Variants in KDM1B observed in about 807,000 individuals in gnomAD.
The protein encoded by KDM1B is lysine demethylase 1B, also known as lysine-specific histone demethylase 2.
In KDM1B, 63 loss-of-function variants were observed where a neutral mutation model predicts 107.4. The ratio of observed to expected loss-of-function variants is 0.59; its 90% confidence interval spans 0.48 to 0.72. The LOEUF (loss-of-function observed/expected upper bound fraction) is 0.72, where lower values mean the gene tolerates loss of function less well. KDM1B is among the 30% of genes least tolerant of loss of function. KDM1B has a pLI of 0.00. For missense variants in KDM1B, 749 were observed against 1,020.8 expected, an observed-to-expected ratio of 0.73 and a Z score of 3.63; for synonymous variants, 363 against 363.9, an observed-to-expected ratio of 1.00 and a Z score of 0.03.
chr6:18,160,124 C>A, intron 3 of KDM1B, 142 bp downstream of exon 3: 1 of 600,512 alleles, frequency 1.7e-6, no homozygotes, highest in Non-Finnish European at 2.9e-6. Flanking sequence ...ACGGTCATAA[C>A]ACAGTGTGAT....
rs1745123785 is a variant in KDM1B, at chr6:18,191,938, G to A, written c.969+557G>A. Reference sequence around the variant, plus strand: ...TGAAAAAGGTGAAAATAAATTATGGGGCAGAATGGGAATACTAGCTAAAAA... The same window carrying A: ...TGAAAAAGGTGAAAATAAATTATGGAGCAGAATGGGAATACTAGCTAAAAA... On this transcript the variant is annotated intron_variant, in intron 10 of 21. Coordinates refer to ENST00000650836, the MANE Select transcript of KDM1B (RefSeq NM_001364614.2). The surrounding 1 kb of genome is among the most constrained non-coding windows in gnomAD (Gnocchi z 5.1). Among the ~76,000 whole-genome samples, 1 of 151,894 alleles carries A rather than the reference G, an allele frequency of 6.6e-6. No individual in the cohort carries two copies.
intron 6 of KDM1B, among the ~76,000 whole-genome samples, chr6:18,168,017 C>T (rs1261835605): frequency 6.6e-6 from 1 of 152,180 alleles, no homozygotes; most frequent in Non-Finnish European, 1.5e-5. Flanking sequence ...ACTTCAGCCT[C>T]TCAAAGTGTT....
At position 18,203,704 on chromosome 6, in the gene KDM1B, T is replaced by C. The variant is rs367584014; in HGVS notation, c.1532-1833T>C. 1.3e-5 allele frequency among the ~76,000 whole-genome samples: 2 copies of C among 151,922 alleles called. No individual in the cohort carries two copies. Among genetic ancestry groups the C allele is most frequent in the Admixed American group, 6.6e-5 (1 of 15,252 alleles). On this transcript the variant is annotated intron_variant, in intron 14 of 21. Transcript: ENST00000650836. The surrounding 1 kb of genome is among the most constrained non-coding windows in gnomAD (Gnocchi z 5.5). Reference sequence around the variant, plus strand: ...CCTGTCTCTACTAATAATACAAAAATTAGTCGAGCATGGTGGTGCATGCCT... The same window carrying C: ...CCTGTCTCTACTAATAATACAAAAACTAGTCGAGCATGGTGGTGCATGCCT...
At position 18,171,406 on chromosome 6, in the gene KDM1B, C is replaced by T. The variant is rs1242566263; in HGVS notation, c.461C>T (p.Thr154Ile). The change falls in exon 7 of 22, where the codon ACC becomes ATC. Residue 154 changes from threonine to isoleucine, a missense_variant. Physicochemically the swap from Thr to Ile is moderately conservative, Grantham distance 89. Coordinates refer to ENST00000650836, the MANE Select transcript of KDM1B (RefSeq NM_001364614.2). ...KPECRKWRQL[T>I]KEIQLTPQIA... is the part of the protein sequence containing the mutation. ...GAGTGTAGAAAATGGAGGCAGCTTACCAAGGAAATCCAGCTTACTCCACAG... is the reference window on the plus strand; with the variant it reads ...GAGTGTAGAAAATGGAGGCAGCTTATCAAGGAAATCCAGCTTACTCCACAG... 1 of 1,613,188 alleles carries T rather than the reference C, an allele frequency of 6.2e-7. No individual in the cohort carries two copies. Among genetic ancestry groups the T allele is most frequent in the African/African-American group, 1.3e-5 (1 of 74,876 alleles).
intron 21 of KDM1B, 73 bp downstream of exon 21, chr6:18,217,958 A>G (rs1789376982): frequency 6.6e-7 from 1 of 1,507,252 alleles, no homozygotes; most frequent in African/African-American, 1.4e-5. Flanking sequence ...ATATCTGCCC[A>G]GAGTTTAAAA....
At chr6:18,165,425 C>T (rs866730067) in intron 5 of KDM1B, among the ~76,000 whole-genome samples, 1 of 152,104 alleles carries the variant, frequency 6.6e-6, no homozygotes, top group African/African-American at 2.4e-5. Context: ...CCACCGTACC[C>T]CGCCGCCTTC....
In KDM1B at chr6:18,212,749, A is replaced by T; in HGVS notation, c.1983+145A>T. The T allele has an allele frequency of 1.5e-6, 1 of 663,684 alleles. No individual in the cohort carries two copies. The highest frequency in any genetic ancestry group is 1.8e-5 in the South Asian group (1 of 55,882). The allele number at this position is 663,684 out of a possible 1,614,324, so 41.1% of individuals were successfully genotyped here. On this transcript the variant is annotated intron_variant, in intron 18 of 21. Transcript: ENST00000650836. The surrounding 1 kb of genome is among the most constrained non-coding windows in gnomAD (Gnocchi z 5.2). ...TTTTCATTTGAGTAATTGTTCGTGA[A>T]GAACACAGAAGAATATTATCAAAAC...
chr6:18,205,700 A>G lies in KDM1B; in HGVS notation c.1659+36A>G, dbSNP rs1788315827. 6.8e-7 allele frequency: 1 copy of G among 1,469,186 alleles called. No homozygotes were observed. The highest frequency in any genetic ancestry group is 9.0e-7 in the Non-Finnish European group (1 of 1,111,804). The allele number at this position is 1,469,186 out of a possible 1,614,324, so 91.0% of individuals were successfully genotyped here. A position where few individuals can be genotyped will look rare whatever the true frequency, so the allele number is the denominator to read the frequency against. On this transcript the variant is annotated intron_variant, in intron 15 of 21. Coordinates refer to ENST00000650836, the MANE Select transcript of KDM1B (RefSeq NM_001364614.2). The surrounding 1 kb of genome is among the most constrained non-coding windows in gnomAD (Gnocchi z 5.7). ...GTTTTGTGAAAGGTGTGCTTTGAAAATACTTGGTTTAGGCCGGGCGCAGTG... is the reference window on the plus strand; with the variant it reads ...GTTTTGTGAAAGGTGTGCTTTGAAAGTACTTGGTTTAGGCCGGGCGCAGTG...
intron 7 of KDM1B, among the ~76,000 whole-genome samples, chr6:18,176,271 A>G (rs1203678916): frequency 1.3e-5 from 2 of 152,132 alleles, no homozygotes; most frequent in African/African-American, 2.4e-5. Flanking sequence ...CTGTTGGTGT[A>G]TAGAAGAGCT....
At chr6:18,195,318 T>G (rs1384581679) in intron 10 of KDM1B, among the ~76,000 whole-genome samples, 1 of 152,248 alleles carries the variant, frequency 6.6e-6, no homozygotes, top group Non-Finnish European at 1.5e-5. Context: ...ATATGGTATT[T>G]TAGGTTTAAC....
chr6:18,166,437 TG>T, intron 6 of KDM1B, 59 bp downstream of exon 6: 2 of 918,982 alleles, frequency 2.2e-6, no homozygotes, highest in Non-Finnish European at 3.6e-6. Flanking sequence ...GCAAGAGGCA[TG>T]GATGAAAATG....
At chr6:18,188,516 T>C (rs917772213) in intron 9 of KDM1B, among the ~76,000 whole-genome samples, 4 of 152,226 alleles carry the variant, frequency 2.6e-5, no homozygotes, top group South Asian at 2.1e-4. Flanking sequence ...TTCTGAGTCT[T>C]TCTGCCTCTA....
In KDM1B at chr6:18,204,560, A is replaced by G. The variant is rs1243147295; in HGVS notation, c.1532-977A>G. ...TTTGGATGGTTGTCATCACTGGAACAGTTGTAAAGAAGTAACCTGTACTGA... is the reference window on the plus strand; with the variant it reads ...TTTGGATGGTTGTCATCACTGGAACGGTTGTAAAGAAGTAACCTGTACTGA... On this transcript the variant is annotated intron_variant, in intron 14 of 21. Transcript: ENST00000650836. The surrounding 1 kb of genome is among the most constrained non-coding windows in gnomAD (Gnocchi z 4.9). Among the ~76,000 whole-genome samples, 4 of 152,348 alleles carry G rather than the reference A, an allele frequency of 2.6e-5. No individual in the cohort carries two copies. The highest frequency in any genetic ancestry group is 5.9e-5 in the Non-Finnish European group (4 of 68,044).
rs1200209275 is a variant in KDM1B at position 18,197,026 on chromosome 6, A to G, written c.970-31A>G. The G allele has an allele frequency of 1.9e-6, 3 of 1,565,584 alleles. No individual in the cohort carries two copies. Among genetic ancestry groups the G allele is most frequent in the Non-Finnish European group, 2.6e-6 (3 of 1,149,424 alleles). On this transcript the variant is annotated intron_variant, in intron 10 of 21. Coordinates refer to ENST00000650836, the MANE Select transcript of KDM1B (RefSeq NM_001364614.2). This position sits in a 1 kb window ranked among gnomAD's most constrained non-coding sequence, Gnocchi z 4.5. ...TTTGAATTTCTTGGGACTTTTTTAA[A>G]AAAGCAGTTTGGTTTTATTTCCAAA...
At chr6:18,170,269 C>T (rs1785570625) in intron 6 of KDM1B, among the ~76,000 whole-genome samples, 1 of 152,104 alleles carries the variant, frequency 6.6e-6, no homozygotes, top group Admixed American at 6.6e-5. Flanking sequence ...CTTCATGCAG[C>T]TTCCCTTAAT....
chr6:18,174,359 A>G (rs544642333), intron 7 of KDM1B, among the ~76,000 whole-genome samples: 1 of 152,250 alleles, frequency 6.6e-6, no homozygotes, highest in South Asian at 2.1e-4. Context: ...AATGCATTGA[A>G]TCTATGGGTC....
At position 18,166,342 on chromosome 6, in the gene KDM1B, C is replaced by G; in HGVS notation, c.381C>G (p.Pro127=). The change falls in exon 6 of 22, where the codon CCC becomes CCG. Residue 127 remains proline (P), a synonymous_variant. Coordinates refer to ENST00000650836, the MANE Select transcript of KDM1B (RefSeq NM_001364614.2). ...WTSNGKTEPS[P]KAFMADQQLP... is the part of the protein sequence containing the mutation. Reference sequence around the variant, plus strand: ...GCAATGGCAAAACCGAACCTAGTCCCAAAGCTTTCATGGCAGACCAGCAAC... The same window carrying G: ...GCAATGGCAAAACCGAACCTAGTCCGAAAGCTTTCATGGCAGACCAGCAAC... 1 of 1,613,080 alleles carries G rather than the reference C, an allele frequency of 6.2e-7. No individual in the cohort carries two copies. Among genetic ancestry groups the G allele is most frequent in the Non-Finnish European group, 8.5e-7 (1 of 1,179,134 alleles).
At position 18,205,128 on chromosome 6, in the gene KDM1B, G is replaced by C. The variant is rs12210540; in HGVS notation, c.1532-409G>C. ...GAGATGTTGTAAGCATTGACTTTAAGGTGATGGCAGCAGGACCAGAAAGAG... is the reference window on the plus strand; with the variant it reads ...GAGATGTTGTAAGCATTGACTTTAACGTGATGGCAGCAGGACCAGAAAGAG... On this transcript the variant is annotated intron_variant, in intron 14 of 21. Transcript: ENST00000650836. This position sits in a 1 kb window ranked among gnomAD's most constrained non-coding sequence, Gnocchi z 5.7. Among the ~76,000 whole-genome samples, 2,086 of 152,256 alleles carry C rather than the reference G, an allele frequency of 0.014. 28 individuals carry two copies. Among genetic ancestry groups the C allele is most frequent in the Non-Finnish European group, 0.022 (1,476 of 68,026 alleles).
At chr6:18,175,802 T>C (rs941242804) in intron 7 of KDM1B, among the ~76,000 whole-genome samples, 1 of 152,184 alleles carries the variant, frequency 6.6e-6, no homozygotes, top group Non-Finnish European at 1.5e-5. Flanking sequence ...ATTTCTGGGT[T>C]CTCTATTCTG....
Sources: allele counts gnomAD v4.1 joint callset (sites outside exome capture counted in the v4.1 genomes callset), GRCh38; gene constraint gnomAD v4.1.1; non-coding constraint Gnocchi (gnomAD v3.1); transcripts MANE v1.5; gene names NCBI Gene and HGNC (gene_info 2026-07-23, HGNC 2026-07-21).